The following DNAAF9 variants were observed in gnomAD, a reference collection of about 807,000 sequenced individuals.
The protein encoded by DNAAF9 is shulin.
DNAAF9 carries 90 observed loss-of-function variants against 167.0 expected under a neutral mutation model. The ratio of observed to expected loss-of-function variants is 0.54; its 90% CI spans 0.45 to 0.64. The LOEUF (loss-of-function observed/expected upper bound fraction) is 0.64. DNAAF9 is among the 30% of genes least tolerant of loss of function. The pLI is 0.00. For missense variants in DNAAF9, 1,315 were observed against 1,442.2 expected (o/e 0.91, Z 1.43); for synonymous variants, 491 against 508.8 (o/e 0.96, Z 0.47).
chr20:3,336,135 T>C (rs565915692), intron 10 of DNAAF9, among the ~76,000 whole-genome samples: 2 of 151,996 alleles, frequency 1.3e-5, no homozygotes, highest in Admixed American at 6.6e-5. Context: ...AAAAAAAATA[T>C]TTTTTGTCTG....
At chr20:3,387,126 C>T (rs1045983861) in intron 1 of DNAAF9, among the ~76,000 whole-genome samples, 1 of 152,146 alleles carries the variant, frequency 6.6e-6, no homozygotes. Context: ...CTTCTCAAAT[C>T]CCAATGATGT....
At chr20:3,393,543 C>A (rs1246225209) in intron 1 of DNAAF9, among the ~76,000 whole-genome samples, 1 of 152,090 alleles carries the variant, frequency 6.6e-6, no homozygotes, top group African/African-American at 2.4e-5. Flanking sequence ...AAAAATAAAT[C>A]AAATAAAACT....
chr20:3,362,007 G>A, intron 6 of DNAAF9: 2 of 1,518,554 alleles, frequency 1.3e-6, no homozygotes, highest in Non-Finnish European at 9.1e-7. Flanking sequence ...TGCTAGCACT[G>A]GTATGGCTCT....
intron 7 of DNAAF9, among the ~76,000 whole-genome samples, chr20:3,355,367 G>C (rs1402963068): frequency 6.6e-6 from 1 of 152,140 alleles, no homozygotes; most frequent in Non-Finnish European, 1.5e-5. Flanking sequence ...CTGAGGTCAG[G>C]AGTTTGAGAC....
At chr20:3,277,153 A>G (rs2236090) in intron 29 of DNAAF9, among the ~76,000 whole-genome samples, 87,031 of 151,926 alleles carry the variant, frequency 0.57, 24,978 homozygotes, top group Admixed American at 0.6. Context: ...ATCTCACTTG[A>G]CCACTGGCCC....
At chr20:3,273,809 C>T (rs2068632905) in intron 29 of DNAAF9, among the ~76,000 whole-genome samples, 1 of 152,128 alleles carries the variant, frequency 6.6e-6, no homozygotes, top group Non-Finnish European at 1.5e-5. Context: ...GTCCAGACAC[C>T]TAAATTCCCT....
At chr20:3,357,903 A>T (rs1049923859) in intron 7 of DNAAF9, among the ~76,000 whole-genome samples, 1 of 151,956 alleles carries the variant, frequency 6.6e-6, no homozygotes, top group African/African-American at 2.4e-5. Flanking sequence ...CCAGCTACTC[A>T]GGAGGCTGAG....
At chr20:3,314,142 T>A (rs928766916) in intron 20 of DNAAF9, among the ~76,000 whole-genome samples, 5 of 152,196 alleles carry the variant, frequency 3.3e-5, no homozygotes, top group Non-Finnish European at 2.9e-5. Context: ...GTTCAGGAGC[T>A]GTAGACAGAT....
chr20:3,342,472 T>C (rs576419807), intron 9 of DNAAF9, among the ~76,000 whole-genome samples: 2 of 152,348 alleles, frequency 1.3e-5, no homozygotes, highest in East Asian at 1.9e-4. Flanking sequence ...TTTTAAACCA[T>C]GAATCTCTCT....
chr20:3,260,065 C>T (rs771971232), intron 31 of DNAAF9, 37 bp from the exon 32 acceptor site: 68 of 1,261,354 alleles, frequency 5.4e-5, no homozygotes, highest in Non-Finnish European at 7.6e-5. Context: ...ACAGGCCGGG[C>T]GCGGTGGCTC....
At chr20:3,386,651 ACT>A (rs931721622) in intron 1 of DNAAF9, among the ~76,000 whole-genome samples, 2 of 152,254 alleles carry the variant, frequency 1.3e-5, no homozygotes, top group African/African-American at 2.4e-5. Flanking sequence ...TCTATGAAAG[ACT>A]CTGTTGAGAG....
At chr20:3,343,838 AGCGT>A (rs1419039459) in intron 8 of DNAAF9, 107 bp from the exon 9 acceptor site, 6 of 774,324 alleles carry the variant, frequency 7.7e-6, no homozygotes, top group African/African-American at 2.0e-5. Flanking sequence ...GAGAGTGCAC[AGCGT>A]GTGTGTGTGT....
intron 1 of DNAAF9, 60 bp downstream of exon 1, chr20:3,407,415 G>C (rs2084078199): frequency 1.6e-6 from 2 of 1,234,482 alleles, no homozygotes; most frequent in Non-Finnish European, 2.0e-6. Flanking sequence ...AGGCGTCGCC[G>C]GACCCCGACA....
chr20:3,348,088 GT>G (rs2070231708), intron 8 of DNAAF9, among the ~76,000 whole-genome samples: 1 of 152,160 alleles, frequency 6.6e-6, no homozygotes, highest in Non-Finnish European at 1.5e-5. Context: ...CTGCTGATTA[GT>G]TTTTGAGGCT....
At chr20:3,284,627 T>A (rs976664074) in intron 27 of DNAAF9, among the ~76,000 whole-genome samples, 5 of 152,222 alleles carry the variant, frequency 3.3e-5, no homozygotes, top group Non-Finnish European at 7.3e-5. Flanking sequence ...TTAACTTTCT[T>A]TTCTCTGAAA....
chr20:3,318,733 C>G (rs1433954969), intron 16 of DNAAF9, among the ~76,000 whole-genome samples: 2 of 152,026 alleles, frequency 1.3e-5, no homozygotes, highest in Non-Finnish European at 2.9e-5. Context: ...GGTCAAGGAA[C>G]CCAGGAGTTT....
chr20:3,323,577 C>T lies in DNAAF9; in HGVS notation c.1266-881G>A, dbSNP rs60461692. 7.2e-3 allele frequency among the ~76,000 whole-genome samples: 1,092 copies of T among 152,188 alleles called. 7 individuals carry two copies. Among genetic ancestry groups the T allele is most frequent in the African/African-American group, 0.025 (1,033 of 41,534 alleles). ...ATTACAGGCGTGAGCCACTGCGCCC[C>T]GCCCTCAGTGAAGCAATCTTTGTGG... On this transcript the variant is annotated intron_variant, in intron 14 of 36. Transcript: ENST00000252032.
chr20:3,380,428 C>T (rs567003858), intron 3 of DNAAF9, among the ~76,000 whole-genome samples: 6 of 152,302 alleles, frequency 3.9e-5, no homozygotes, highest in African/African-American at 4.8e-5. Flanking sequence ...TTCTCAACCT[C>T]GGCACTACTG....
intron 1 of DNAAF9, among the ~76,000 whole-genome samples, chr20:3,396,424 G>A (rs1028843344): frequency 6.6e-6 from 1 of 152,042 alleles, no homozygotes; most frequent in African/African-American, 2.4e-5. Flanking sequence ...CAGAGCACTG[G>A]GGATTTAGCA....
Sources: allele counts gnomAD v4.1 joint callset (sites outside exome capture counted in the v4.1 genomes callset), GRCh38; gene constraint gnomAD v4.1.1; transcripts MANE v1.5; gene names NCBI Gene and HGNC (gene_info 2026-07-23, HGNC 2026-07-21).